DAAM2: variants seen among roughly 807,000 people sequenced by gnomAD.
DAAM2 encodes dishevelled associated activator of morphogenesis 2.
Under a neutral mutation model 120.7 loss-of-function variants are expected in DAAM2, and 39 were observed. That is an observed-to-expected ratio of 0.32 (90% CI 0.25 to 0.42). The LOEUF (loss-of-function observed/expected upper bound fraction) is 0.42, where lower values mean the gene tolerates loss of function less well. Among genes scored for constraint, DAAM2 ranks in the 10% least tolerant of loss-of-function variants. DAAM2 has a pLI of 1.00. For missense variants in DAAM2, 1,283 were observed against 1,401.7 expected, an observed-to-expected ratio of 0.92 and a Z score of 1.35; for synonymous variants, 488 against 524.9, an observed-to-expected ratio of 0.93 and a Z score of 0.96.
At chr6:39,805,468 C>T (rs1052937170) in intron 1 of DAAM2, among the ~76,000 whole-genome samples, 1 of 152,022 alleles carries the variant, frequency 6.6e-6, no homozygotes, top group African/African-American at 2.4e-5. Context: ...TATTATACTA[C>T]ATGGTGTTAC....
rs534345461 is a variant in DAAM2 at position 39,887,428 on chromosome 6, G to A, written c.1954-58G>A. 10 of 1,292,282 alleles carry A rather than the reference G, an allele frequency of 7.7e-6. No individual in the cohort carries two copies. The African/African-American group carries it at 1.3e-4, about 17-fold the overall frequency. 80.1% of individuals were successfully genotyped at this position (1,292,282 alleles called of 1,614,324 possible). ...GTAGGAGGTGGCTCTTGCGGGGCGGGTAAGAGGAGGATTAGGGAACCCACA... is the reference window on the plus strand; with the variant it reads ...GTAGGAGGTGGCTCTTGCGGGGCGGATAAGAGGAGGATTAGGGAACCCACA... On this transcript the variant is annotated intron_variant, in intron 15 of 24. Coordinates refer to ENST00000274867, the MANE Select transcript of DAAM2 (RefSeq NM_001201427.2).
intron 1 of DAAM2, among the ~76,000 whole-genome samples, chr6:39,808,733 G>A (rs1762080875): frequency 6.6e-6 from 1 of 152,162 alleles, no homozygotes; most frequent in Non-Finnish European, 1.5e-5. Flanking sequence ...CTTGTTATAT[G>A]GCCTTTGTCC....
At chr6:39,900,047 T>G (rs1562067330) in intron 22 of DAAM2, 30 bp from the exon 23 acceptor site, 1 of 1,593,076 alleles carries the variant, frequency 6.3e-7, no homozygotes, top group Admixed American at 1.7e-5. Flanking sequence ...TTGGCACCAG[T>G]CTAAGCAGCA....
intron 1 of DAAM2, among the ~76,000 whole-genome samples, chr6:39,801,265 T>G (rs1761854779): frequency 6.6e-6 from 1 of 152,220 alleles, no homozygotes; most frequent in South Asian, 2.1e-4. Context: ...TAGGCAACCC[T>G]CAACTGATTT....
At chr6:39,819,427 T>C (rs1454946934) in intron 1 of DAAM2, 1 of 152,234 alleles carries the variant, frequency 6.6e-6, no homozygotes, top group Non-Finnish European at 1.5e-5. Flanking sequence ...CTATTCATTG[T>C]TGTGAAGTTC....
chr6:39,805,581 G>A (rs1475881022), intron 1 of DAAM2, among the ~76,000 whole-genome samples: 1 of 149,668 alleles, frequency 6.7e-6, no homozygotes, highest in Non-Finnish European at 1.5e-5. Flanking sequence ...TTGAGACAGA[G>A]TCTCGCTCTG....
intron 1 of DAAM2, among the ~76,000 whole-genome samples, chr6:39,794,076 C>A (rs1337697150): frequency 6.6e-6 from 1 of 152,140 alleles, no homozygotes; most frequent in Non-Finnish European, 1.5e-5. Flanking sequence ...AAAGATGGAG[C>A]AGGCAGCAAT....
chr6:39,821,387 C>T (rs1022474835), intron 1 of DAAM2: 2 of 152,286 alleles, frequency 1.3e-5, no homozygotes, highest in African/African-American at 4.8e-5. Flanking sequence ...GCTCCCAGCA[C>T]CCAGCTCTGG....
At chr6:39,870,065 C>T (rs1002724657) in intron 7 of DAAM2, among the ~76,000 whole-genome samples, 11 of 152,166 alleles carry the variant, frequency 7.2e-5, no homozygotes, top group Admixed American at 1.3e-4. Context: ...TGTCACTCTA[C>T]AACACTGCTC....
chr6:39,878,599 A>G lies in DAAM2; in HGVS notation c.1545+11A>G. 1.3e-6 allele frequency: 2 copies of G among 1,596,276 alleles called. No individual in the cohort carries two copies. Among genetic ancestry groups the G allele is most frequent in the East Asian group, 4.6e-5 (2 of 43,590 alleles). On this transcript the variant is annotated intron_variant, in intron 13 of 24. Transcript: ENST00000274867. This position sits in a 1 kb window ranked among gnomAD's most constrained non-coding sequence, Gnocchi z 5.0. ...CTCAGTGAACTCTCAGTATGCAAGC[A>G]TCTCCCCCTTTACATAGTTGAGCCA...
At chr6:39,829,166 G>C (rs547068776) in intron 1 of DAAM2, among the ~76,000 whole-genome samples, 2 of 152,340 alleles carry the variant, frequency 1.3e-5, no homozygotes, top group East Asian at 3.9e-4. Context: ...AATCCAATTG[G>C]CATCTCTTCT....
intron 1 of DAAM2, among the ~76,000 whole-genome samples, chr6:39,845,470 C>T (rs534377528): frequency 3.4e-5 from 5 of 146,544 alleles, no homozygotes; most frequent in African/African-American, 1.3e-4. Flanking sequence ...ATGTACCACA[C>T]CACATACACA....
intron 22 of DAAM2, 175 bp downstream of exon 22, chr6:39,899,112 AG>A: frequency 6.5e-6 from 4 of 611,984 alleles, no homozygotes; most frequent in Non-Finnish European, 1.2e-5. Flanking sequence ...GCCTTTTAAA[AG>A]GGGTTACCTA....
At chr6:39,865,298 G>C (rs1445867112) in intron 5 of DAAM2, among the ~76,000 whole-genome samples, 1 of 152,230 alleles carries the variant, frequency 6.6e-6, no homozygotes, top group Non-Finnish European at 1.5e-5. Flanking sequence ...AGGTCCTGAG[G>C]AGCTCTCTAA....
chr6:39,805,584 T>G (rs1256275183), intron 1 of DAAM2, among the ~76,000 whole-genome samples: 1 of 150,658 alleles, frequency 6.6e-6, no homozygotes, highest in Non-Finnish European at 1.5e-5. Flanking sequence ...AGACAGAGTC[T>G]CGCTCTGTTG....
At position 39,904,318 on chromosome 6, in the gene DAAM2, C is replaced by G; in HGVS notation, c.*2281C>G. 2.2e-6 allele frequency: 1 copy of G among 456,734 alleles called. No homozygotes were observed. Among genetic ancestry groups the G allele is most frequent in the Non-Finnish European group, 4.4e-6 (1 of 226,972 alleles). The allele number at this position is 456,734 out of a possible 1,614,324, so 28.3% of individuals were successfully genotyped here. On this transcript the variant is annotated 3_prime_UTR_variant, in exon 25 of 25. Transcript: ENST00000274867. ...CTACATCTGGCCAGTGGCTCTGGTG[C>G]TAGATGCCACTGTAGCCAGATCTCC...
At chr6:39,828,365 C>T (rs979253292) in intron 1 of DAAM2, among the ~76,000 whole-genome samples, 2 of 152,176 alleles carry the variant, frequency 1.3e-5, no homozygotes, top group African/African-American at 4.8e-5. Context: ...AGCATAGGTA[C>T]TCCTTGCATT....
intron 21 of DAAM2, among the ~76,000 whole-genome samples, chr6:39,897,640 G>C (rs141599512): frequency 4.2e-3 from 638 of 152,324 alleles, no homozygotes; most frequent in Non-Finnish European, 7.0e-3. Context: ...GTATTGGGAA[G>C]CAGGCTCTGA....
intron 5 of DAAM2, among the ~76,000 whole-genome samples, chr6:39,866,058 C>T (rs1055972622): frequency 6.6e-6 from 1 of 152,212 alleles, no homozygotes; most frequent in Non-Finnish European, 1.5e-5. Flanking sequence ...GCTAGCCATC[C>T]ATTGCATGGG....
Sources: allele counts gnomAD v4.1 joint callset (sites outside exome capture counted in the v4.1 genomes callset), GRCh38; gene constraint gnomAD v4.1.1; non-coding constraint Gnocchi (gnomAD v3.1); transcripts MANE v1.5; gene names NCBI Gene and HGNC (gene_info 2026-07-23, HGNC 2026-07-21).